The following IPCEF1 variants were observed in gnomAD, a reference collection of about 807,000 sequenced individuals.
The protein encoded by IPCEF1 is interactor protein for cytohesin exchange factors 1.
A neutral mutation model predicts 50.9 loss-of-function variants in IPCEF1; 31 were observed. The ratio of observed to expected loss-of-function variants is 0.61; its 90% CI spans 0.46 to 0.82. The LOEUF (loss-of-function observed/expected upper bound fraction) is 0.82. IPCEF1 is among the 40% of genes least tolerant of loss of function. The probability of loss-of-function intolerance (pLI) is 0.00; values close to 1 mark genes in which losing one functional copy is unlikely to be tolerated. For missense variants in IPCEF1, 458 were observed against 514.0 expected (o/e 0.89, Z 1.05); for synonymous variants, 181 against 192.0 (o/e 0.94, Z 0.47).
At chr6:154,276,248 T>TGGGA (rs1331057143) in intron 2 of IPCEF1, among the ~76,000 whole-genome samples, 1 of 87,470 alleles carries the variant, frequency 1.1e-5, no homozygotes, top group Admixed American at 1.1e-4. Context: ...AGAGAAAAGG[T>TGGGA]GGGAGGGAGG....
chr6:154,337,278 A>G (rs186515173), intron 1 of IPCEF1, among the ~76,000 whole-genome samples: 1 of 152,354 alleles, frequency 6.6e-6, no homozygotes, highest in East Asian at 1.9e-4. Context: ...GAAAAAGGCT[A>G]GAAAAAGACT....
chr6:154,158,996 A>C lies in IPCEF1; in HGVS notation c.*832T>G, dbSNP rs1269537402. 6.6e-6 allele frequency: 1 copy of C among 152,190 alleles called. No homozygotes were observed. Among genetic ancestry groups the C allele is most frequent in the Non-Finnish European group, 1.5e-5 (1 of 68,022 alleles). The allele number at this position is 152,190 out of a possible 1,614,324, so 9.4% of individuals were successfully genotyped here. ...ATTGATCCTGGGAAACCTGGATATAAATTCACACTATGTATAGGGATCACA... is the reference window on the plus strand; with the variant it reads ...ATTGATCCTGGGAAACCTGGATATACATTCACACTATGTATAGGGATCACA... On this transcript the variant is annotated 3_prime_UTR_variant, in exon 12 of 12. Transcript: ENST00000367220.
At chr6:154,187,319 A>G (rs980789048) in intron 10 of IPCEF1, among the ~76,000 whole-genome samples, 1 of 151,984 alleles carries the variant, frequency 6.6e-6, no homozygotes, top group South Asian at 2.1e-4. Context: ...TTTAACAACC[A>G]CCGAATCTAT....
chr6:154,307,947 A>T (rs1782978219), intron 1 of IPCEF1, among the ~76,000 whole-genome samples: 1 of 152,148 alleles, frequency 6.6e-6, no homozygotes, highest in Non-Finnish European at 1.5e-5. Context: ...CAAACAGAAC[A>T]CTTCCCAGGA....
chr6:154,198,226 CATTG>C (rs1776779494), intron 10 of IPCEF1, among the ~76,000 whole-genome samples: 1 of 152,120 alleles, frequency 6.6e-6, no homozygotes, highest in South Asian at 2.1e-4. Flanking sequence ...TGACTTGCAC[CATTG>C]AACTCAATTC....
intron 11 of IPCEF1, among the ~76,000 whole-genome samples, chr6:154,166,193 G>C (rs1225309234): frequency 6.6e-6 from 1 of 152,226 alleles, no homozygotes; most frequent in Non-Finnish European, 1.5e-5. Context: ...CCGATACACT[G>C]ACAGAAAAGC....
chr6:154,245,995 A>C (rs575348481), intron 5 of IPCEF1, among the ~76,000 whole-genome samples: 3 of 152,232 alleles, frequency 2.0e-5, no homozygotes, highest in Non-Finnish European at 2.9e-5. Flanking sequence ...ATGTTGTCTA[A>C]GCACGACTAG....
intron 5 of IPCEF1, among the ~76,000 whole-genome samples, chr6:154,245,651 T>C (rs559462147): frequency 6.6e-6 from 1 of 152,284 alleles, no homozygotes; most frequent in African/African-American, 2.4e-5. Context: ...AAAAGAACTT[T>C]CCTGGCTTAT....
At position 154,333,666 on chromosome 6, in the gene IPCEF1, AT is replaced by A. The variant is rs547239255; in HGVS notation, c.-62+23005del. On this transcript the variant is annotated intron_variant, in intron 1 of 11. Coordinates refer to ENST00000367220, the MANE Select transcript of IPCEF1 (RefSeq NM_001130700.2). ...TATACATGTATACATATATGTGTAT[AT>A]GTGTGTATATGTATATATGTGTATA... Among the ~76,000 whole-genome samples, 898 of 151,574 alleles carry A rather than the reference AT, an allele frequency of 5.9e-3. 6 individuals carry two copies. The highest frequency in any genetic ancestry group is 0.02 in the African/African-American group (832 of 41,320).
At chr6:154,303,545 T>C (rs1308472747) in intron 1 of IPCEF1, among the ~76,000 whole-genome samples, 12 of 152,304 alleles carry the variant, frequency 7.9e-5, no homozygotes, top group East Asian at 3.9e-4. Flanking sequence ...CCTTCTCCTT[T>C]TTATCATTTG....
At chr6:154,245,133 A>G (rs1780921933) in intron 5 of IPCEF1, among the ~76,000 whole-genome samples, 1 of 152,218 alleles carries the variant, frequency 6.6e-6, no homozygotes, top group South Asian at 2.1e-4. Flanking sequence ...AATTTGGGTA[A>G]AACCATACAT....
intron 2 of IPCEF1, among the ~76,000 whole-genome samples, chr6:154,270,640 T>C (rs1418687101): frequency 6.6e-6 from 1 of 152,210 alleles, no homozygotes; most frequent in Non-Finnish European, 1.5e-5. Flanking sequence ...TTGGCTTAAA[T>C]AATTTTGTCA....
chr6:154,163,758 T>A (rs1799209756), intron 11 of IPCEF1, among the ~76,000 whole-genome samples: 1 of 152,168 alleles, frequency 6.6e-6, no homozygotes, highest in Non-Finnish European at 1.5e-5. Flanking sequence ...TGAACCCTAT[T>A]TGGAGTCTGA....
intron 10 of IPCEF1, among the ~76,000 whole-genome samples, chr6:154,192,886 G>A (rs1294605165): frequency 1.3e-5 from 2 of 152,112 alleles, no homozygotes; most frequent in Admixed American, 1.3e-4. Context: ...GTGTGGAGGT[G>A]GTGAACAGGG....
chr6:154,218,527 C>G (rs1043503564), intron 7 of IPCEF1, among the ~76,000 whole-genome samples: 1 of 152,154 alleles, frequency 6.6e-6, no homozygotes, highest in Non-Finnish European at 1.5e-5. Flanking sequence ...CCACTCCCTC[C>G]CCCACACCTC....
chr6:154,180,612 T>C (rs1206159927), intron 10 of IPCEF1, among the ~76,000 whole-genome samples: 1 of 152,054 alleles, frequency 6.6e-6, no homozygotes, highest in African/African-American at 2.4e-5. Flanking sequence ...AGAATTTGGC[T>C]GTCGAGAACA....
intron 1 of IPCEF1, among the ~76,000 whole-genome samples, chr6:154,302,303 A>G (rs1402332764): frequency 6.6e-6 from 1 of 152,224 alleles, no homozygotes; most frequent in Non-Finnish European, 1.5e-5. Context: ...GAGAGGCAGC[A>G]AAACCAAATT....
In IPCEF1 at chr6:154,291,326, C is replaced by T. The variant is rs1782507937; in HGVS notation, c.-61-1570G>A. Among the ~76,000 whole-genome samples, 4 of 152,108 alleles carry T rather than the reference C, an allele frequency of 2.6e-5. No homozygotes were observed. In the South Asian group the frequency reaches 8.3e-4, roughly 31 times the overall value. On this transcript the variant is annotated intron_variant, in intron 1 of 11. Transcript: ENST00000367220. ...ACAGAAAAATAAAATTGTAGGAAAA[C>T]ATGTTCTGCAAAGGACATATTTCAA... is the stretch of plus-strand genomic sequence containing the variant.
intron 2 of IPCEF1, among the ~76,000 whole-genome samples, chr6:154,285,803 T>G (rs1042757859): frequency 9.9e-5 from 15 of 152,198 alleles, no homozygotes; most frequent in African/African-American, 3.6e-4. Flanking sequence ...TCTGAGTTGT[T>G]TCTTTATTAG....
Sources: allele counts gnomAD v4.1 joint callset (sites outside exome capture counted in the v4.1 genomes callset), GRCh38; gene constraint gnomAD v4.1.1; transcripts MANE v1.5; gene names NCBI Gene and HGNC (gene_info 2026-07-23, HGNC 2026-07-21).